Variants in GRIP1 observed in about 807,000 individuals in gnomAD.
GRIP1 encodes glutamate receptor interacting protein 1, also known as glutamate receptor-interacting protein 1.
GRIP1 carries 45 observed loss-of-function variants against 129.9 expected under a neutral mutation model. The ratio of observed to expected loss-of-function variants is 0.35; its 90% CI spans 0.27 to 0.44. The LOEUF is 0.44. Among genes scored for constraint, GRIP1 ranks in the 20% least tolerant of loss-of-function variants. The pLI is 1.00. For missense variants in GRIP1, 1,196 were observed against 1,396.8 expected (o/e 0.86, Z 2.29); for synonymous variants, 530 against 520.8 (o/e 1.02, Z -0.24).
At chr12:66,895,403 T>C (rs546691742) in intron 1 of GRIP1, among the ~76,000 whole-genome samples, 17 of 152,314 alleles carry the variant, frequency 1.1e-4, no homozygotes, top group African/African-American at 3.8e-4. Context: ...TCCACCATGA[T>C]TGTGAGGCCT....
At chr12:66,887,680 C>CA (rs2137218029) in intron 1 of GRIP1, among the ~76,000 whole-genome samples, 1 of 152,246 alleles carries the variant, frequency 6.6e-6, no homozygotes, top group East Asian at 1.9e-4. Flanking sequence ...TTCTAAAATA[C>CA]AAAATCTCTT....
intron 1 of GRIP1, among the ~76,000 whole-genome samples, chr12:66,603,657 T>A (rs2064380776): frequency 6.6e-6 from 1 of 152,248 alleles, no homozygotes; most frequent in African/African-American, 2.4e-5. Context: ...ACAAAGCAGC[T>A]GGCAGAATGC....
At chr12:66,756,736 G>A (rs1301667173) in intron 1 of GRIP1, among the ~76,000 whole-genome samples, 1 of 152,104 alleles carries the variant, frequency 6.6e-6, no homozygotes, top group African/African-American at 2.4e-5. Flanking sequence ...TTTCCTTATT[G>A]CCATATGATT....
At chr12:66,891,498 T>C (rs184865580) in intron 1 of GRIP1, among the ~76,000 whole-genome samples, 1 of 152,240 alleles carries the variant, frequency 6.6e-6, no homozygotes, top group East Asian at 1.9e-4. Context: ...CAGAAGGATG[T>C]GGGCTGATGT....
chr12:66,943,169 T>C (rs952207998), intron 1 of GRIP1, among the ~76,000 whole-genome samples: 1 of 152,218 alleles, frequency 6.6e-6, no homozygotes, highest in Non-Finnish European at 1.5e-5. Flanking sequence ...CATCTTCTAA[T>C]GAACTAATCT....
At chr12:66,511,257 T>TCC (rs1565812878) in intron 7 of GRIP1, among the ~76,000 whole-genome samples, 1 of 152,130 alleles carries the variant, frequency 6.6e-6, no homozygotes, top group Non-Finnish European at 1.5e-5. Flanking sequence ...TTGTGAAGCC[T>TCC]CCCCAGCCAT....
At chr12:66,896,259 A>T (rs1281118264) in intron 1 of GRIP1, among the ~76,000 whole-genome samples, 1 of 151,584 alleles carries the variant, frequency 6.6e-6, no homozygotes, top group African/African-American at 2.4e-5. Context: ...TGGTGATGGA[A>T]CTGCTAACTG....
intron 1 of GRIP1, among the ~76,000 whole-genome samples, chr12:66,989,797 C>T (rs867932316): frequency 6.6e-6 from 1 of 152,058 alleles, no homozygotes; most frequent in Non-Finnish European, 1.5e-5. Flanking sequence ...ATCTGGCTGA[C>T]GGCACCAAAA....
At chr12:66,567,680 T>A (rs1173507137) in intron 2 of GRIP1, 5 of 218,932 alleles carry the variant, frequency 2.3e-5, no homozygotes, top group Non-Finnish European at 3.0e-5. Context: ...CATTTTCCCC[T>A]GTTGCATATT....
At chr12:66,611,318 T>C (rs2139880033) in intron 1 of GRIP1, among the ~76,000 whole-genome samples, 1 of 152,258 alleles carries the variant, frequency 6.6e-6, no homozygotes, top group South Asian at 2.1e-4. Flanking sequence ...ATCTACTAGG[T>C]CAAAAAATTC....
intron 1 of GRIP1, among the ~76,000 whole-genome samples, chr12:66,724,820 C>A (rs1486885013): frequency 1.3e-5 from 2 of 152,154 alleles, no homozygotes; most frequent in African/African-American, 4.8e-5. Flanking sequence ...GGACAATCTG[C>A]CTGAGGGCTA....
chr12:66,760,430 TG>T (rs1307180593), intron 1 of GRIP1, among the ~76,000 whole-genome samples: 11 of 152,194 alleles, frequency 7.2e-5, no homozygotes, highest in Admixed American at 7.2e-4. Flanking sequence ...TCCACATGGC[TG>T]GGGAGGCCTC....
At chr12:66,787,438 G>C (rs1205710803) in intron 1 of GRIP1, among the ~76,000 whole-genome samples, 1 of 152,144 alleles carries the variant, frequency 6.6e-6, no homozygotes, top group Non-Finnish European at 1.5e-5. Context: ...GTCCACCAGT[G>C]CTATGAGTTG....
At chr12:66,587,187 GC>G (rs1171106534) in intron 2 of GRIP1, among the ~76,000 whole-genome samples, 1 of 152,162 alleles carries the variant, frequency 6.6e-6, no homozygotes, top group Non-Finnish European at 1.5e-5. Flanking sequence ...TTATTTAAAA[GC>G]CAAGGTTTTT....
chr12:66,668,943 T>C (rs2136225835), intron 1 of GRIP1, among the ~76,000 whole-genome samples: 1 of 152,114 alleles, frequency 6.6e-6, no homozygotes, highest in South Asian at 2.1e-4. Flanking sequence ...AGAGACCCTG[T>C]CTCAAAAGAA....
chr12:66,756,101 T>A (rs1433359731), intron 1 of GRIP1, among the ~76,000 whole-genome samples: 1 of 152,186 alleles, frequency 6.6e-6, no homozygotes, highest in Non-Finnish European at 1.5e-5. Context: ...CAGTGTTAAG[T>A]ATATTTACAT....
At chr12:66,815,572 G>C (rs924359825) in intron 1 of GRIP1, among the ~76,000 whole-genome samples, 2 of 152,054 alleles carry the variant, frequency 1.3e-5, no homozygotes, top group African/African-American at 4.8e-5. Context: ...ACCAGCCTGG[G>C]CAACATAGTG....
intron 1 of GRIP1, among the ~76,000 whole-genome samples, chr12:66,634,581 G>T (rs923618674): frequency 2.0e-5 from 3 of 152,134 alleles, no homozygotes; most frequent in African/African-American, 7.2e-5. Context: ...AGTTCTTTTA[G>T]CTTTAGAAAA....
At chr12:66,992,884 A>G (rs2042414303) in intron 1 of GRIP1, among the ~76,000 whole-genome samples, 1 of 152,216 alleles carries the variant, frequency 6.6e-6, no homozygotes, top group South Asian at 2.1e-4. Context: ...AGGCCAAGGC[A>G]GGCAGGCTGC....
Sources: gnomAD v4.1 joint callset for allele counts (sites outside exome capture counted in the v4.1 genomes callset) on GRCh38, gnomAD v4.1.1 for gene constraint, MANE v1.5 for transcripts, NCBI Gene and HGNC (gene_info 2026-07-23, HGNC 2026-07-21) for gene names.